Variants in ZMAT4 observed in about 807,000 individuals in gnomAD.
ZMAT4 encodes zinc finger matrin-type protein 4.
Under a neutral mutation model 28.7 loss-of-function variants are expected in ZMAT4, and 17 were observed. The ratio of observed to expected loss-of-function variants is 0.59; its 90% CI spans 0.41 to 0.89. The LOEUF (loss-of-function observed/expected upper bound fraction) is 0.89. ZMAT4 is among the 40% of genes least tolerant of loss of function. The probability of loss-of-function intolerance (pLI) is 0.00; values close to 1 mark genes in which losing one functional copy is unlikely to be tolerated. For synonymous variants in ZMAT4, 117 were observed against 109.2 expected, an observed-to-expected ratio of 1.07 and a Z score of -0.44; for missense variants, 240 against 283.8, an observed-to-expected ratio of 0.85 and a Z score of 1.11.
At chr8:40,590,157 G>A (rs1288347759) in intron 5 of ZMAT4, among the ~76,000 whole-genome samples, 1 of 151,134 alleles carries the variant, frequency 6.6e-6, no homozygotes, top group East Asian at 2.0e-4. Context: ...GTATTCTGCT[G>A]GGACCACAGG....
intron 1 of ZMAT4, among the ~76,000 whole-genome samples, chr8:40,873,430 C>T (rs1331121718): frequency 6.6e-6 from 1 of 152,180 alleles, no homozygotes; most frequent in African/African-American, 2.4e-5. Context: ...TCTGTGATGG[C>T]CCCACTCAGT....
At chr8:40,601,441 G>GA (rs1805308755) in intron 5 of ZMAT4, among the ~76,000 whole-genome samples, 2 of 116,912 alleles carry the variant, frequency 1.7e-5, no homozygotes, top group African/African-American at 3.6e-5. Context: ...AGGAAGGAAG[G>GA]AAGGAAGGAA....
chr8:40,871,978 A>G (rs1434547100), intron 1 of ZMAT4, among the ~76,000 whole-genome samples: 1 of 152,224 alleles, frequency 6.6e-6, no homozygotes, highest in Non-Finnish European at 1.5e-5. Context: ...AGGGAAAAAC[A>G]GGGGACTTGA....
chr8:40,713,475 G>T (rs990675261), intron 3 of ZMAT4, among the ~76,000 whole-genome samples: 1 of 151,282 alleles, frequency 6.6e-6, no homozygotes, highest in Non-Finnish European at 1.5e-5. Context: ...GTATTTAAAA[G>T]CAAATGGCAA....
At chr8:40,642,623 T>C (rs75188309) in intron 5 of ZMAT4, among the ~76,000 whole-genome samples, 307 of 152,294 alleles carry the variant, frequency 2.0e-3, no homozygotes, top group Non-Finnish European at 3.2e-3. Flanking sequence ...CCTGGCAAAG[T>C]TGTGGCAAGT....
chr8:40,809,150 C>T (rs898654302), intron 2 of ZMAT4, among the ~76,000 whole-genome samples: 1 of 152,184 alleles, frequency 6.6e-6, no homozygotes, highest in Non-Finnish European at 1.5e-5. Context: ...GTGTCCTTTG[C>T]AGAAACATGA....
At chr8:40,794,551 T>C (rs1398799536) in intron 2 of ZMAT4, among the ~76,000 whole-genome samples, 1 of 152,126 alleles carries the variant, frequency 6.6e-6, no homozygotes, top group African/African-American at 2.4e-5. Context: ...TGCCTCCCTG[T>C]CTTAGGGATG....
intron 1 of ZMAT4, among the ~76,000 whole-genome samples, chr8:40,853,793 T>C (rs980285605): frequency 4.6e-5 from 7 of 152,214 alleles, no homozygotes; most frequent in Non-Finnish European, 1.0e-4. Flanking sequence ...AAATAATGTT[T>C]TAACATCGTT....
At chr8:40,581,745 G>A (rs967066348) in intron 5 of ZMAT4, among the ~76,000 whole-genome samples, 1 of 152,140 alleles carries the variant, frequency 6.6e-6, no homozygotes, top group Admixed American at 6.5e-5. Flanking sequence ...ATACCAGGAG[G>A]AGAATAATAC....
intron 5 of ZMAT4, among the ~76,000 whole-genome samples, chr8:40,673,810 C>T (rs1808787594): frequency 6.6e-6 from 1 of 152,130 alleles, no homozygotes; most frequent in South Asian, 2.1e-4. Context: ...TCAGCAGCTT[C>T]TGTGAAACCT....
intron 1 of ZMAT4, among the ~76,000 whole-genome samples, chr8:40,844,330 C>T (rs1206010865): frequency 6.6e-6 from 1 of 152,138 alleles, no homozygotes; most frequent in Non-Finnish European, 1.5e-5. Flanking sequence ...TCACCTCCAC[C>T]AATGAGGATG....
Position 40,579,443 on chromosome 8 carries a change from A to T in ZMAT4, c.674+1722T>A, listed in dbSNP as rs559666101. 2.0e-5 allele frequency among the ~76,000 whole-genome samples: 3 copies of T among 152,260 alleles called. No individual in the cohort carries two copies. In the South Asian group the frequency reaches 6.2e-4, roughly 32 times the overall value. On this transcript the variant is annotated intron_variant, in intron 6 of 6. Coordinates refer to ENST00000297737, the MANE Select transcript of ZMAT4 (RefSeq NM_024645.3). ...GCAGTATCCGATAATTAATACAAGAACTCTAGTATTCCATAACAAATCAAG... is the reference window on the plus strand; with the variant it reads ...GCAGTATCCGATAATTAATACAAGATCTCTAGTATTCCATAACAAATCAAG...
intron 6 of ZMAT4, among the ~76,000 whole-genome samples, chr8:40,548,039 C>T (rs1803256291): frequency 6.6e-6 from 1 of 152,132 alleles, no homozygotes; most frequent in Non-Finnish European, 1.5e-5. Context: ...AAGTGCAAAG[C>T]TCTGAAGCCA....
intron 5 of ZMAT4, among the ~76,000 whole-genome samples, chr8:40,646,794 G>A (rs1585810265): frequency 6.6e-6 from 1 of 152,118 alleles, no homozygotes; most frequent in African/African-American, 2.4e-5. Context: ...TGGATAGAAC[G>A]ATTAGCAAAA....
At chr8:40,819,745 G>A (rs1815679943) in intron 2 of ZMAT4, among the ~76,000 whole-genome samples, 2 of 151,806 alleles carry the variant, frequency 1.3e-5, no homozygotes, top group Admixed American at 1.3e-4. Flanking sequence ...CTGGCTTGAT[G>A]GGATCTGCCC....
At chr8:40,666,775 G>T (rs1009537727) in intron 5 of ZMAT4, among the ~76,000 whole-genome samples, 1 of 152,042 alleles carries the variant, frequency 6.6e-6, no homozygotes, top group East Asian at 1.9e-4. Context: ...AGTTTGAACC[G>T]CATGGGTCTA....
At chr8:40,726,525 C>A (rs1585947866) in intron 3 of ZMAT4, among the ~76,000 whole-genome samples, 1 of 152,170 alleles carries the variant, frequency 6.6e-6, no homozygotes, top group African/African-American at 2.4e-5. Context: ...GAAAGTGGAG[C>A]CAGGTAAGTA....
chr8:40,851,239 A>C (rs1203261692), intron 1 of ZMAT4, among the ~76,000 whole-genome samples: 1 of 152,194 alleles, frequency 6.6e-6, no homozygotes, highest in Non-Finnish European at 1.5e-5. Flanking sequence ...AAGGCTGGAG[A>C]ATCGCTTGAA....
In ZMAT4 at chr8:40,663,086, A is replaced by C. The variant is rs140601997; in HGVS notation, c.577+11618T>G. ...ACCAAATACAGTTCCGCTTTGCCTG[A>C]CATGCAAGGCCATTTACAATTTGGT... On this transcript the variant is annotated intron_variant, in intron 5 of 6. Coordinates refer to ENST00000297737, the MANE Select transcript of ZMAT4 (RefSeq NM_024645.3). Among the ~76,000 whole-genome samples the C allele has an allele frequency of 1.5e-3, 228 of 152,294 alleles. 1 individual carries two copies. Among genetic ancestry groups the C allele is most frequent in the African/African-American group, 5.2e-3 (218 of 41,566 alleles).
Sources: gnomAD v4.1 joint callset for allele counts (sites outside exome capture counted in the v4.1 genomes callset) on GRCh38, gnomAD v4.1.1 for gene constraint, MANE v1.5 for transcripts, NCBI Gene and HGNC (gene_info 2026-07-23, HGNC 2026-07-21) for gene names.